The following SMARCA5 variants were observed in gnomAD, a reference collection of about 807,000 sequenced individuals.
SMARCA5 encodes SNF2 related chromatin remodeling ATPase 5, also known as SWI/SNF-related matrix-associated actin-dependent regulator of chromatin subfamily A member 5.
In SMARCA5, 18 loss-of-function variants were observed where a neutral mutation model predicts 140.4. The ratio of observed to expected loss-of-function variants is 0.13; its 90% CI spans 0.09 to 0.19. The LOEUF (loss-of-function observed/expected upper bound fraction) is 0.19. Ranked by LOEUF, SMARCA5 falls within the 10% of genes least tolerant of loss-of-function variation. The pLI is 1.00. For synonymous variants in SMARCA5, 449 were observed against 419.6 expected (o/e 1.07, Z -0.86); for missense variants, 606 against 1,276.8 (o/e 0.47, Z 8.01).
At chr4:143,518,475 T>A (rs961942477) in intron 2 of SMARCA5, among the ~76,000 whole-genome samples, 2 of 152,172 alleles carry the variant, frequency 1.3e-5, no homozygotes, top group African/African-American at 4.8e-5. Context: ...GTCTTAATCT[T>A]TCTTTCTGTC....
intron 22 of SMARCA5, among the ~76,000 whole-genome samples, chr4:143,548,670 T>C (rs557815602): frequency 6.6e-6 from 1 of 152,206 alleles, no homozygotes; most frequent in African/African-American, 2.4e-5. Flanking sequence ...TTCAGAAAAG[T>C]TTAACTTTGA....
intron 23 of SMARCA5, among the ~76,000 whole-genome samples, chr4:143,552,710 T>C (rs1049622685): frequency 6.6e-6 from 1 of 152,030 alleles, no homozygotes; most frequent in Admixed American, 6.6e-5. Context: ...AAAAATGTTA[T>C]TTAATAATAG....
chr4:143,522,923 CA>C (rs1736993422), intron 3 of SMARCA5, among the ~76,000 whole-genome samples: 1 of 152,096 alleles, frequency 6.6e-6, no homozygotes, highest in Non-Finnish European at 1.5e-5. Context: ...TCCTAGTTAA[CA>C]GATTTCTTTA....
At position 143,534,976 on chromosome 4, in the gene SMARCA5, C is replaced by G. The variant is rs1737273746; in HGVS notation, c.1268+12C>G. On this transcript the variant is annotated intron_variant, in intron 10 of 23. Transcript: ENST00000283131. ...ATGCAAAGGGAATGGTATGTATTCTCAGATGTACTTGATAGCACTATTGAT... is the reference window on the plus strand; with the variant it reads ...ATGCAAAGGGAATGGTATGTATTCTGAGATGTACTTGATAGCACTATTGAT... 2 of 1,516,782 alleles carry G rather than the reference C, an allele frequency of 1.3e-6. No homozygotes were observed. Among genetic ancestry groups the G allele is most frequent in the African/African-American group, 2.8e-5 (2 of 72,504 alleles). 94.0% of individuals were successfully genotyped at this position (1,516,782 alleles called of 1,614,324 possible). A position where few individuals can be genotyped will look rare whatever the true frequency, so the allele number is the denominator to read the frequency against.
chr4:143,538,893 T>G lies in SMARCA5; in HGVS notation c.1725T>G (p.Ile575Met). Residue 575 changes from isoleucine (I) to methionine (M), a missense_variant, in exon 13 of 24, where the codon ATT becomes ATG. Transcript: ENST00000283131. ...GINLATADVVILYDSDWNPQV... is the reference protein window; with the variant it reads ...GINLATADVVMLYDSDWNPQV... ...ATCTTGCGACTGCTGATGTAGTAAT[T>G]TTGTATGATTCTGATTGGAATCCCC... 6.2e-7 allele frequency: 1 copy of G among 1,614,150 alleles called. No individual in the cohort carries two copies. The highest frequency in any genetic ancestry group is 8.5e-7 in the Non-Finnish European group (1 of 1,179,992).
intron 7 of SMARCA5, among the ~76,000 whole-genome samples, 154 bp downstream of exon 7, chr4:143,528,177 C>G (rs573724761): frequency 2.0e-4 from 31 of 152,122 alleles, no homozygotes; most frequent in African/African-American, 7.5e-4. Flanking sequence ...TTGCTGCACC[C>G]CATCATCTAG....
At chr4:143,537,750 A>G (rs1416279863) in intron 11 of SMARCA5, among the ~76,000 whole-genome samples, 1 of 152,026 alleles carries the variant, frequency 6.6e-6, no homozygotes, top group Non-Finnish European at 1.5e-5. Context: ...CCCTGTCTCT[A>G]TCAAAAATAC....
chr4:143,525,125 T>C (rs1324366972), intron 4 of SMARCA5, among the ~76,000 whole-genome samples: 1 of 151,988 alleles, frequency 6.6e-6, no homozygotes, highest in Non-Finnish European at 1.5e-5. Context: ...TGAAAATACT[T>C]GGTTAGGAAC....
chr4:143,545,727 TA>T (rs1179087648), intron 18 of SMARCA5, 144 bp downstream of exon 18: 1 of 797,942 alleles, frequency 1.3e-6, no homozygotes, highest in African/African-American at 1.7e-5. Context: ...ATGAAATACA[TA>T]AACTTGGGTC....
chr4:143,545,294 TC>T (rs1737501314), intron 17 of SMARCA5, among the ~76,000 whole-genome samples, 175 bp from the exon 18 acceptor site: 1 of 152,188 alleles, frequency 6.6e-6, no homozygotes, highest in South Asian at 2.1e-4. Flanking sequence ...TTAACATTTT[TC>T]AAAAATTAAT....
At position 143,557,382 on chromosome 4, in the gene SMARCA5, A is replaced by G. The variant is rs1382431950; in HGVS notation, c.*4198A>G. On this transcript the variant is annotated 3_prime_UTR_variant, in exon 24 of 24. Transcript: ENST00000283131. ...CTACAGAAATTCTTGTTTTTGATGTAGACAACCCAAAGGAGTTTTTATGTA... is the reference window on the plus strand; with the variant it reads ...CTACAGAAATTCTTGTTTTTGATGTGGACAACCCAAAGGAGTTTTTATGTA... The G allele has an allele frequency of 2.0e-5, 3 of 152,240 alleles. No individual in the cohort carries two copies. Among genetic ancestry groups the G allele is most frequent in the Non-Finnish European group, 4.4e-5 (3 of 68,032 alleles). The allele number at this position is 152,240 out of a possible 1,614,324, so 9.4% of individuals were successfully genotyped here.
intron 11 of SMARCA5, 103 bp from the exon 12 acceptor site, chr4:143,538,487 G>A (rs759437389): frequency 2.3e-6 from 2 of 882,582 alleles, no homozygotes; most frequent in South Asian, 1.8e-5. Context: ...AACCAAGTAG[G>A]TAGCTTTGGA....
intron 2 of SMARCA5, among the ~76,000 whole-genome samples, chr4:143,521,014 G>A (rs760688473): frequency 3.3e-5 from 5 of 152,114 alleles, no homozygotes; most frequent in African/African-American, 1.2e-4. Flanking sequence ...AAATTGTTCC[G>A]ATCAACTGTA....
At chr4:143,544,628 T>C in intron 16 of SMARCA5, 109 bp from the exon 17 acceptor site, 1 of 657,140 alleles carries the variant, frequency 1.5e-6, no homozygotes, top group South Asian at 1.9e-5. Flanking sequence ...ATAGAGCTTA[T>C]AGCCCAGGAT....
Position 143,525,617 on chromosome 4 carries a change from A to G in SMARCA5, c.621+66A>G, listed in dbSNP as rs535152988. 6.5e-6 allele frequency: 7 copies of G among 1,081,120 alleles called. No individual in the cohort carries two copies. The African/African-American group carries it at 7.8e-5, about 12-fold the overall frequency. The allele number at this position is 1,081,120 out of a possible 1,614,324, so 67.0% of individuals were successfully genotyped here. ...TGAAAATATCTTATACGTTGATAAAAGTTTCTTACAGTCTACAACTGTTAG... is the reference window on the plus strand; with the variant it reads ...TGAAAATATCTTATACGTTGATAAAGGTTTCTTACAGTCTACAACTGTTAG... On this transcript the variant is annotated intron_variant, in intron 5 of 23. Transcript: ENST00000283131.
intron 9 of SMARCA5, among the ~76,000 whole-genome samples, chr4:143,533,483 A>G (rs1302812588): frequency 6.7e-6 from 1 of 149,350 alleles, no homozygotes; most frequent in South Asian, 2.1e-4. Context: ...GATCTTAATG[A>G]GACCCTTGTC....
At chr4:143,526,812 C>T (rs1309625207) in intron 6 of SMARCA5, among the ~76,000 whole-genome samples, 3 of 151,210 alleles carry the variant, frequency 2.0e-5, no homozygotes, top group South Asian at 2.1e-4. Flanking sequence ...TGCAGTGAGC[C>T]GAGATGGCGC....
intron 11 of SMARCA5, among the ~76,000 whole-genome samples, chr4:143,538,019 T>C (rs532543881): frequency 6.6e-6 from 1 of 152,214 alleles, no homozygotes; most frequent in East Asian, 1.9e-4. Context: ...CATTTCATAA[T>C]CATTACTTTT....
intron 23 of SMARCA5, among the ~76,000 whole-genome samples, chr4:143,552,058 AT>A (rs1320788958): frequency 7.9e-5 from 12 of 151,552 alleles, no homozygotes; most frequent in African/African-American, 2.9e-4. Context: ...TGGAATATCT[AT>A]TTTTTTGTGT....
Sources: gnomAD v4.1 joint callset for allele counts (sites outside exome capture counted in the v4.1 genomes callset) on GRCh38, gnomAD v4.1.1 for gene constraint, MANE v1.5 for transcripts, NCBI Gene and HGNC (gene_info 2026-07-23, HGNC 2026-07-21) for gene names.